The following CYP7B1 variants were observed in gnomAD, a reference collection of about 807,000 sequenced individuals.
CYP7B1 encodes the protein cytochrome P450 7B1.
In CYP7B1, 29 loss-of-function variants were observed where a neutral mutation model predicts 42.7. The ratio of observed to expected loss-of-function variants is 0.68; its 90% CI spans 0.51 to 0.93. The LOEUF (loss-of-function observed/expected upper bound fraction) is 0.93. Ranked by LOEUF, CYP7B1 falls within the 40% of genes least tolerant of loss-of-function variation. The pLI is 0.00. For missense variants in CYP7B1, 655 were observed against 600.5 expected (o/e 1.09, Z -0.95); for synonymous variants, 235 against 218.2 (o/e 1.08, Z -0.68).
At chr8:64,662,077 T>G (rs920760355) in intron 1 of CYP7B1, among the ~76,000 whole-genome samples, 1 of 150,994 alleles carries the variant, frequency 6.6e-6, no homozygotes, top group African/African-American at 2.4e-5. Flanking sequence ...GTCACTTTGC[T>G]TTCAACTTTA....
chr8:64,614,556 G>GT (rs1388167037), intron 4 of CYP7B1, among the ~76,000 whole-genome samples: 1 of 150,958 alleles, frequency 6.6e-6, no homozygotes, highest in Non-Finnish European at 1.5e-5. Context: ...TGTTTTCTGT[G>GT]TTTTTGAGAA....
At chr8:64,750,957 ATCC>A (rs1807717318) in intron 1 of CYP7B1, among the ~76,000 whole-genome samples, 1 of 152,096 alleles carries the variant, frequency 6.6e-6, no homozygotes, top group African/African-American at 2.4e-5. Flanking sequence ...CCAGGACACC[ATCC>A]TCACGCCAAC....
intron 1 of CYP7B1, among the ~76,000 whole-genome samples, chr8:64,724,383 G>T (rs550259652): frequency 1.3e-5 from 2 of 152,154 alleles, no homozygotes; most frequent in African/African-American, 4.8e-5. Flanking sequence ...CTGGCCTCGC[G>T]TGATCCACCC....
chr8:64,661,938 CA>C (rs1258552709), intron 1 of CYP7B1, among the ~76,000 whole-genome samples: 1 of 152,158 alleles, frequency 6.6e-6, no homozygotes, highest in Non-Finnish European at 1.5e-5. Context: ...TTGTCTTTCA[CA>C]TTCAATGAAT....
At chr8:64,662,404 C>T (rs192430968) in intron 1 of CYP7B1, among the ~76,000 whole-genome samples, 1 of 152,252 alleles carries the variant, frequency 6.6e-6, no homozygotes, top group African/African-American at 2.4e-5. Flanking sequence ...TTGGGTTAGG[C>T]ACAGTGCTAA....
chr8:64,780,724 A>G (rs1308930215), intron 1 of CYP7B1, among the ~76,000 whole-genome samples: 1 of 152,150 alleles, frequency 6.6e-6, no homozygotes, highest in Non-Finnish European at 1.5e-5. Flanking sequence ...CTTTGTATAA[A>G]GCACAAAAAC....
chr8:64,734,091 T>C (rs1417401624), intron 1 of CYP7B1, among the ~76,000 whole-genome samples: 5 of 152,338 alleles, frequency 3.3e-5, no homozygotes, highest in East Asian at 1.9e-4. Context: ...TTTTGCTTTA[T>C]AGTGTATATG....
chr8:64,777,369 T>G (rs1301852882), intron 1 of CYP7B1, among the ~76,000 whole-genome samples: 1 of 152,014 alleles, frequency 6.6e-6, no homozygotes, highest in Non-Finnish European at 1.5e-5. Flanking sequence ...TAGTAAAAAA[T>G]ATGCTCAAGC....
chr8:64,627,500 C>A (rs2129630505), intron 1 of CYP7B1, among the ~76,000 whole-genome samples: 1 of 152,266 alleles, frequency 6.6e-6, no homozygotes, highest in African/African-American at 2.4e-5. Flanking sequence ...TTGAATGTTG[C>A]ATTTTGACAA....
chr8:64,643,192 T>TATACATATATATACGTATATATACACAC (rs1563374454), intron 1 of CYP7B1, among the ~76,000 whole-genome samples: 1 of 115,190 alleles, frequency 8.7e-6, no homozygotes, highest in African/African-American at 2.9e-5. Context: ...CATATATATA[T>TATACATATATATACGTATATATACACAC]ACACACACAC....
At chr8:64,798,379 A>T in intron 1 of CYP7B1, 87 bp downstream of exon 1, 1 of 1,411,874 alleles carries the variant, frequency 7.1e-7, no homozygotes, top group Admixed American at 3.4e-5. Context: ...ACTGGAAATC[A>T]TGGAGGGGGA....
chr8:64,656,981 C>G (rs1287974665), intron 1 of CYP7B1, among the ~76,000 whole-genome samples: 1 of 151,840 alleles, frequency 6.6e-6, no homozygotes, highest in Non-Finnish European at 1.5e-5. Flanking sequence ...CTCCTGGGCC[C>G]AAGGAATGCT....
At chr8:64,625,313 T>A (rs1805594444) in intron 1 of CYP7B1, among the ~76,000 whole-genome samples, 1 of 152,158 alleles carries the variant, frequency 6.6e-6, no homozygotes, top group Admixed American at 6.5e-5. Flanking sequence ...GGTGAGCAAT[T>A]TTTTGAAGGA....
intron 1 of CYP7B1, among the ~76,000 whole-genome samples, chr8:64,625,411 G>C (rs141972543): frequency 6.6e-6 from 1 of 152,252 alleles, no homozygotes; most frequent in Non-Finnish European, 1.5e-5. Context: ...CGTCATCATA[G>C]GTAGGTACCT....
chr8:64,668,034 G>C (rs995265443), intron 1 of CYP7B1, among the ~76,000 whole-genome samples: 2 of 152,168 alleles, frequency 1.3e-5, no homozygotes, highest in Non-Finnish European at 2.9e-5. Flanking sequence ...TACAGCGTAG[G>C]AATAGTTTCA....
intron 1 of CYP7B1, among the ~76,000 whole-genome samples, chr8:64,653,092 AG>A (rs1162447216): frequency 3.9e-5 from 6 of 152,318 alleles, no homozygotes; most frequent in African/African-American, 1.4e-4. Flanking sequence ...TGAAAGAATT[AG>A]GGAAGCAAGA....
chr8:64,764,590 C>T (rs1371695152), intron 1 of CYP7B1, among the ~76,000 whole-genome samples: 1 of 152,114 alleles, frequency 6.6e-6, no homozygotes, highest in Non-Finnish European at 1.5e-5. Context: ...CAAGGGCATA[C>T]CCTGAAAACA....
chr8:64,733,941 G>A (rs1807450139), intron 1 of CYP7B1, among the ~76,000 whole-genome samples: 1 of 152,166 alleles, frequency 6.6e-6, no homozygotes, highest in Admixed American at 6.5e-5. Flanking sequence ...CTGCACTTCA[G>A]TGTGGGCAAC....
At chr8:64,727,146 T>C (rs1807336557) in intron 1 of CYP7B1, among the ~76,000 whole-genome samples, 1 of 152,202 alleles carries the variant, frequency 6.6e-6, no homozygotes, top group African/African-American at 2.4e-5. Context: ...TGCTGTGCTT[T>C]CCCTGCCCAC....
Sources: allele counts gnomAD v4.1 joint callset (sites outside exome capture counted in the v4.1 genomes callset), GRCh38; gene constraint gnomAD v4.1.1; transcripts MANE v1.5; gene names NCBI Gene and HGNC (gene_info 2026-07-23, HGNC 2026-07-21).